Variants in TMC5 observed in about 807,000 individuals in gnomAD.
TMC5 encodes the protein transmembrane channel-like protein 5.
Under a neutral mutation model 110.5 loss-of-function variants are expected in TMC5, and 86 were observed. The observed-to-expected ratio is 0.78, with a 90% confidence interval of 0.65 to 0.93. The LOEUF (loss-of-function observed/expected upper bound fraction) is 0.93. Among genes scored for constraint, TMC5 ranks in the 40% least tolerant of loss-of-function variants. TMC5 has a pLI of 0.00. For synonymous variants in TMC5, 455 were observed against 439.5 expected, an observed-to-expected ratio of 1.04 and a Z score of -0.44; for missense variants, 1,144 against 1,222.8, an observed-to-expected ratio of 0.94 and a Z score of 0.96.
In TMC5 at chr16:19,479,364, G is replaced by A. The variant is rs1968560967; in HGVS notation, c.2170-67G>A. On this transcript the variant is annotated intron_variant, in intron 13 of 21. Transcript: ENST00000542583. ...ATGTCCTGATGGGTACATAGAGCCA[G>A]GAACAGAGGAGAATTGAGCTGAGGC... The A allele has an allele frequency of 2.5e-6, 3 of 1,197,438 alleles. No homozygotes were observed. The South Asian group carries it at 3.6e-5, about 14-fold the overall frequency. 74.2% of individuals were successfully genotyped at this position (1,197,438 alleles called of 1,614,324 possible).
chr16:19,464,617 A>G (rs1417661145), intron 8 of TMC5, among the ~76,000 whole-genome samples: 1 of 152,074 alleles, frequency 6.6e-6, no homozygotes, highest in African/African-American at 2.4e-5. Flanking sequence ...TGAATTATTC[A>G]TTGTATATTA....
At chr16:19,455,978 CA>C (rs1222040341) in intron 5 of TMC5, among the ~76,000 whole-genome samples, 1 of 152,062 alleles carries the variant, frequency 6.6e-6, no homozygotes, top group African/African-American at 2.4e-5. Flanking sequence ...GAGGCCGAGG[CA>C]GGAGGATCAC....
At chr16:19,492,915 G>GAT (rs772226428) in intron 19 of TMC5, among the ~76,000 whole-genome samples, 428 of 42,758 alleles carry the variant, frequency 0.01, 44 homozygotes, top group East Asian at 0.053. Context: ...TTAAAACTTA[G>GAT]ATATATATAT....
chr16:19,463,738 C>G, intron 7 of TMC5, 38 bp from the exon 8 acceptor site: 1 of 1,601,670 alleles, frequency 6.2e-7, no homozygotes, highest in Non-Finnish European at 8.5e-7. Flanking sequence ...TTTGTTGAGT[C>G]AACAGCAAGC....
intron 18 of TMC5, 116 bp from the exon 19 acceptor site, chr16:19,492,034 C>A (rs1292828324): frequency 2.5e-6 from 2 of 789,088 alleles, no homozygotes; most frequent in Non-Finnish European, 4.3e-6. Flanking sequence ...TTTTCAGAAA[C>A]ATGTTTGGGC....
At chr16:19,496,602 C>T (rs1047766699) in intron 20 of TMC5, among the ~76,000 whole-genome samples, 5 of 151,836 alleles carry the variant, frequency 3.3e-5, no homozygotes, top group African/African-American at 9.7e-5. Flanking sequence ...ATCTGTGGAA[C>T]GGCCAGGTGC....
At chr16:19,452,471 C>G (rs1967771428) in intron 5 of TMC5, among the ~76,000 whole-genome samples, 1 of 151,648 alleles carries the variant, frequency 6.6e-6, no homozygotes, top group Admixed American at 6.6e-5. Flanking sequence ...AATCCCAGCA[C>G]TTTGGGAGGC....
chr16:19,474,301 C>G (rs1160016582), intron 12 of TMC5, 25 bp downstream of exon 12: 1 of 1,606,720 alleles, frequency 6.2e-7, no homozygotes, highest in African/African-American at 1.3e-5. Flanking sequence ...GCGCCCAACA[C>G]CAGCCTCTAT....
chr16:19,455,908 G>T (rs1967856050), intron 5 of TMC5, among the ~76,000 whole-genome samples: 1 of 152,210 alleles, frequency 6.6e-6, no homozygotes, highest in East Asian at 1.9e-4. Flanking sequence ...TAAAACTACA[G>T]ATATAAAATA....
intron 20 of TMC5, among the ~76,000 whole-genome samples, chr16:19,496,180 G>T: frequency 6.7e-6 from 1 of 149,382 alleles, no homozygotes. Context: ...AAATTAAAAA[G>T]TTATTTTTTG....
intron 5 of TMC5, among the ~76,000 whole-genome samples, chr16:19,454,049 T>G (rs1440215890): frequency 1.3e-5 from 2 of 151,890 alleles, no homozygotes; most frequent in Non-Finnish European, 2.9e-5. Flanking sequence ...ACCAGCATCT[T>G]TTTTGTTGTT....
chr16:19,411,906 C>T (rs768516311), intron 1 of TMC5, among the ~76,000 whole-genome samples: 1 of 152,148 alleles, frequency 6.6e-6, no homozygotes, highest in Non-Finnish European at 1.5e-5. Flanking sequence ...TAAGTCACCC[C>T]ATGTTACCTG....
chr16:19,485,247 C>T (rs1968711895), intron 15 of TMC5, among the ~76,000 whole-genome samples: 1 of 151,682 alleles, frequency 6.6e-6, no homozygotes, highest in Admixed American at 6.6e-5. Context: ...TCAAAAAACC[C>T]TGTGAGTAGG....
intron 5 of TMC5, among the ~76,000 whole-genome samples, chr16:19,459,701 G>C (rs906053059): frequency 2.0e-5 from 3 of 151,410 alleles, no homozygotes; most frequent in African/African-American, 7.3e-5. Context: ...AGGATCGCTT[G>C]AGCCCAGGAG....
intron 4 of TMC5, among the ~76,000 whole-genome samples, chr16:19,445,178 T>C (rs1967586012): frequency 6.6e-6 from 1 of 151,830 alleles, no homozygotes; most frequent in African/African-American, 2.4e-5. Context: ...ACTATTAATA[T>C]TTGAAAAATC....
chr16:19,431,864 G>A (rs1042251764), intron 2 of TMC5, among the ~76,000 whole-genome samples: 2 of 152,178 alleles, frequency 1.3e-5, no homozygotes, highest in Non-Finnish European at 2.9e-5. Context: ...CATTCTTTGT[G>A]ACGGTTCCAT....
intron 1 of TMC5, among the ~76,000 whole-genome samples, chr16:19,427,350 G>T (rs1371199525): frequency 6.6e-6 from 1 of 152,156 alleles, no homozygotes; most frequent in Non-Finnish European, 1.5e-5. Flanking sequence ...TACTCAAGAG[G>T]CTGAGACGCA....
At chr16:19,462,719 G>A (rs2143580309) in intron 6 of TMC5, among the ~76,000 whole-genome samples, 1 of 152,084 alleles carries the variant, frequency 6.6e-6, no homozygotes, top group East Asian at 1.9e-4. Context: ...GGCCAACATG[G>A]TGGAAACCCC....
At chr16:19,441,055 T>C (rs1268624846) in intron 3 of TMC5, among the ~76,000 whole-genome samples, 1 of 152,182 alleles carries the variant, frequency 6.6e-6, no homozygotes, top group Non-Finnish European at 1.5e-5. Context: ...ATCTCTTCCT[T>C]GGATCACCTT....
Sources: allele counts gnomAD v4.1 joint callset (sites outside exome capture counted in the v4.1 genomes callset), GRCh38; gene constraint gnomAD v4.1.1; transcripts MANE v1.5; gene names NCBI Gene and HGNC (gene_info 2026-07-23, HGNC 2026-07-21).